The following ARAP2 variants were observed in gnomAD, a reference collection of about 807,000 sequenced individuals.
The protein encoded by ARAP2 is arf-GAP with Rho-GAP domain, ANK repeat and PH domain-containing protein 2.
In ARAP2, 148 loss-of-function variants were observed where a neutral mutation model predicts 194.5. The observed-to-expected ratio is 0.76, with a 90% confidence interval of 0.67 to 0.87. The LOEUF (loss-of-function observed/expected upper bound fraction) is 0.87. ARAP2 is among the 40% of genes least tolerant of loss of function. ARAP2 has a pLI of 0.00. For missense variants in ARAP2, 2,128 were observed against 1,989.7 expected (o/e 1.07, Z -1.32); for synonymous variants, 695 against 683.5 (o/e 1.02, Z -0.26).
At chr4:36,141,907 G>A (rs1347176767) in intron 19 of ARAP2, among the ~76,000 whole-genome samples, 1 of 151,610 alleles carries the variant, frequency 6.6e-6, no homozygotes, top group Non-Finnish European at 1.5e-5. Flanking sequence ...ATTGCTGACA[G>A]TCATCATTTC....
At chr4:36,005,910 C>T (rs540738240) in intron 10 of ARAP2, 1 of 152,274 alleles carries the variant, frequency 6.6e-6, no homozygotes, top group East Asian at 1.9e-4. Context: ...GCATTACAAG[C>T]AAGTGCAATT....
intron 16 of ARAP2, among the ~76,000 whole-genome samples, chr4:36,149,451 A>G (rs1051897032): frequency 6.6e-6 from 1 of 152,196 alleles, no homozygotes; most frequent in African/African-American, 2.4e-5. Context: ...CAGTGCCTAC[A>G]TTATTGAGGT....
chr4:36,186,920 A>C (rs71604018), intron 8 of ARAP2, among the ~76,000 whole-genome samples: 1 of 152,212 alleles, frequency 6.6e-6, no homozygotes, highest in Non-Finnish European at 1.5e-5. Flanking sequence ...ACTACAATGT[A>C]ATAATAACAG....
At chr4:36,080,428 A>T in intron 30 of ARAP2, 149 bp from the exon 31 acceptor site, 1 of 640,820 alleles carries the variant, frequency 1.6e-6, no homozygotes, top group Non-Finnish European at 2.7e-6. Context: ...ATTTCAGTAC[A>T]AGTTGTTTTG....
chr4:36,232,083 G>A (rs147699364), intron 1 of ARAP2, among the ~76,000 whole-genome samples: 1 of 152,276 alleles, frequency 6.6e-6, no homozygotes, highest in Non-Finnish European at 1.5e-5. Context: ...AATCTCACTA[G>A]GAAACTTATC....
chr4:36,229,480 A>C lies in ARAP2; in HGVS notation c.7T>G (p.Ser3Ala). 1 of 1,603,730 alleles carries C rather than the reference A, an allele frequency of 6.2e-7. No individual in the cohort carries two copies. Among genetic ancestry groups the C allele is most frequent in the Non-Finnish European group, 8.5e-7 (1 of 1,173,774 alleles). The change falls in exon 2 of 33, where the codon TCA (serine) becomes GCA (alanine). Residue 3 changes from serine (S) to alanine (A), a missense_variant. Transcript: ENST00000303965. MS[S>A]VSEVNVDIKD... ...ATATCCACATTTACTTCACTGACTG[A>C]GGACATAATGGTGGCTTCATTACTA...
intron 2 of ARAP2, among the ~76,000 whole-genome samples, chr4:36,223,165 G>A (rs928301186): frequency 2.0e-5 from 3 of 151,876 alleles, no homozygotes; most frequent in South Asian, 2.1e-4. Flanking sequence ...CTTGATTTGC[G>A]GAGTTTCAAA....
At chr4:36,125,902 T>TA (rs1334337134) in intron 21 of ARAP2, among the ~76,000 whole-genome samples, 1 of 152,036 alleles carries the variant, frequency 6.6e-6, no homozygotes, top group African/African-American at 2.4e-5. Context: ...TGCTTAGCCT[T>TA]ACCTCTTCTA....
chr4:36,148,972 T>A (rs1730296809), intron 16 of ARAP2, among the ~76,000 whole-genome samples: 2 of 152,184 alleles, frequency 1.3e-5, no homozygotes, highest in Non-Finnish European at 2.9e-5. Context: ...ACAGTTTTCC[T>A]AAGAAAGATA....
chr4:36,184,066 T>C (rs1230418961), intron 8 of ARAP2, among the ~76,000 whole-genome samples: 1 of 152,146 alleles, frequency 6.6e-6, no homozygotes, highest in Non-Finnish European at 1.5e-5. Context: ...TAAGTTAAAG[T>C]CCTTAAGCCA....
intron 15 of ARAP2, among the ~76,000 whole-genome samples, chr4:36,154,496 A>T (rs2109744168): frequency 6.6e-6 from 1 of 152,314 alleles, no homozygotes; most frequent in East Asian, 1.9e-4. Flanking sequence ...GTAAGATATC[A>T]AGGGAAAAAA....
intron 5 of ARAP2, among the ~76,000 whole-genome samples, chr4:36,027,763 T>A (rs913042235): frequency 6.6e-6 from 1 of 152,120 alleles, no homozygotes; most frequent in African/African-American, 2.4e-5. Context: ...GGATAATTAG[T>A]GACAGAGCCA....
At chr4:36,055,298 C>A (rs1577677256) in intron 2 of ARAP2, among the ~76,000 whole-genome samples, 1 of 152,204 alleles carries the variant, frequency 6.6e-6, no homozygotes, top group African/African-American at 2.4e-5. Context: ...TGGAATGTGT[C>A]CATATTGTTC....
At chr4:36,005,419 A>C (rs1315885426) in intron 10 of ARAP2, 1 of 152,150 alleles carries the variant, frequency 6.6e-6, no homozygotes, top group Non-Finnish European at 1.5e-5. Context: ...ACTTTATAAA[A>C]TTATGAAGAG....
chr4:36,156,335 G>A (rs1322130296), intron 15 of ARAP2, among the ~76,000 whole-genome samples: 8 of 49,652 alleles, frequency 1.6e-4, no homozygotes, highest in Non-Finnish European at 3.1e-4. Flanking sequence ...GAGGGAGGGA[G>A]GGAAAGAGAG....
At chr4:36,114,375 T>G in intron 25 of ARAP2, 88 bp from the exon 26 acceptor site, 1 of 776,588 alleles carries the variant, frequency 1.3e-6, no homozygotes, top group Admixed American at 2.6e-5. Flanking sequence ...ATCCACCATT[T>G]AATGATATCT....
At chr4:36,211,076 T>C (rs1746649691) in intron 5 of ARAP2, among the ~76,000 whole-genome samples, 1 of 152,106 alleles carries the variant, frequency 6.6e-6, no homozygotes, top group East Asian at 1.9e-4. Flanking sequence ...AATAGCACAA[T>C]TAAGTGGCCA....
chr4:36,190,319 T>C (rs1741598293), intron 7 of ARAP2, among the ~76,000 whole-genome samples: 1 of 152,222 alleles, frequency 6.6e-6, no homozygotes, highest in African/African-American at 2.4e-5. Context: ...ATTTAAACGG[T>C]GACTTTATAT....
intron 19 of ARAP2, among the ~76,000 whole-genome samples, chr4:36,144,614 T>C (rs1729175224): frequency 6.6e-6 from 1 of 151,914 alleles, no homozygotes; most frequent in Non-Finnish European, 1.5e-5. Flanking sequence ...AGCAATATGC[T>C]CGCTGTATAA....
Sources: gnomAD v4.1 joint callset for allele counts (sites outside exome capture counted in the v4.1 genomes callset) on GRCh38, gnomAD v4.1.1 for gene constraint, MANE v1.5 for transcripts, NCBI Gene and HGNC (gene_info 2026-07-23, HGNC 2026-07-21) for gene names.